The following RPTOR variants were observed in gnomAD, a reference collection of about 807,000 sequenced individuals.
The protein encoded by RPTOR is regulatory-associated protein of mTOR.
A neutral mutation model predicts 169.9 loss-of-function variants in RPTOR; 21 were observed. The observed-to-expected ratio is 0.12, with a 90% confidence interval of 0.09 to 0.18. The LOEUF (loss-of-function observed/expected upper bound fraction) is 0.18. RPTOR is among the 10% of genes least tolerant of loss of function. RPTOR has a pLI of 1.00. For synonymous variants in RPTOR, 732 were observed against 753.2 expected (o/e 0.97, Z 0.46); for missense variants, 1,133 against 1,855.9 (o/e 0.61, Z 7.16).
At chr17:80,874,064 T>G (rs1206965976) in intron 13 of RPTOR, among the ~76,000 whole-genome samples, 1 of 152,220 alleles carries the variant, frequency 6.6e-6, no homozygotes, top group East Asian at 1.9e-4. Flanking sequence ...GTTTGAGCCT[T>G]GATACCTACA....
chr17:80,610,656 C>T (rs1486980187), intron 1 of RPTOR, among the ~76,000 whole-genome samples: 1 of 152,108 alleles, frequency 6.6e-6, no homozygotes, highest in African/African-American at 2.4e-5. Flanking sequence ...CTGATGTGAT[C>T]CTTCAGCTGA....
At position 80,730,530 on chromosome 17, in the gene RPTOR, T is replaced by G. The variant is rs374053847; in HGVS notation, c.508-30T>G. Reference sequence around the variant, plus strand: ...GCAGCCCATATTCCTGAGACGCACATGTAACGAGCGCACTTTGTGTGTTTT... The same window carrying G: ...GCAGCCCATATTCCTGAGACGCACAGGTAACGAGCGCACTTTGTGTGTTTT... On this transcript the variant is annotated intron_variant, in intron 4 of 33. Transcript: ENST00000306801. The surrounding 1 kb of genome is among the most constrained non-coding windows in gnomAD (Gnocchi z 4.2). 2 of 1,607,008 alleles carry G rather than the reference T, an allele frequency of 1.2e-6. No homozygotes were observed. Among genetic ancestry groups the G allele is most frequent in the African/African-American group, 1.3e-5 (1 of 74,832 alleles).
chr17:80,846,606 A>C, intron 11 of RPTOR, 32 bp downstream of exon 11: 1 of 1,593,542 alleles, frequency 6.3e-7, no homozygotes, highest in Non-Finnish European at 8.6e-7. Context: ...CAGACAGCCG[A>C]GGTTCCTCAG....
At chr17:80,772,541 T>C (rs2066854923) in intron 6 of RPTOR, among the ~76,000 whole-genome samples, 1 of 103,118 alleles carries the variant, frequency 9.7e-6, no homozygotes, top group African/African-American at 3.7e-5. Context: ...ACATGCCTGG[T>C]CCCCCACCCC....
chr17:80,921,578 G>C (rs12452516), intron 21 of RPTOR, among the ~76,000 whole-genome samples: 31,189 of 152,198 alleles, frequency 0.2, 3,286 homozygotes, highest in Admixed American at 0.23. Context: ...AGAAAACCCT[G>C]CTTTAAAAAA....
rs1200338580 is a variant in RPTOR at position 80,559,137 on chromosome 17, G to C, written c.162+13346G>C. 3.3e-5 allele frequency among the ~76,000 whole-genome samples: 5 copies of C among 152,120 alleles called. No homozygotes were observed. The South Asian group carries it at 1.0e-3, about 32-fold the overall frequency. Reference sequence around the variant, plus strand: ...CTTGGTAACCGCTCTTCTGCTTTCTGTCTCTGAATGTTTTGGCCTTGCATG... The same window carrying C: ...CTTGGTAACCGCTCTTCTGCTTTCTCTCTCTGAATGTTTTGGCCTTGCATG... On this transcript the variant is annotated intron_variant, in intron 1 of 33. Coordinates refer to ENST00000306801, the MANE Select transcript of RPTOR (RefSeq NM_020761.3).
Position 80,962,478 on chromosome 17 carries a change from G to A in RPTOR, c.3710G>A (p.Arg1237His), listed in dbSNP as rs761048420. Residue 1237 changes from arginine (R) to histidine (H), a missense_variant, in exon 32 of 34, where the codon CGC (arginine) becomes CAC (histidine). Arg to His is a conservative substitution (Grantham distance 29, BLOSUM62 0). Coordinates refer to ENST00000306801, the MANE Select transcript of RPTOR (RefSeq NM_020761.3). ...CTTGGCAGCGTCAATGGAGATGTGC[G>A]CATCTTTGATCCCCGGATGCCTGAG... Reference protein sequence around the residue: ...IVSVSVNGDVRIFDPRMPESV... With the variant: ...IVSVSVNGDVHIFDPRMPESV... 8.7e-6 allele frequency: 14 copies of A among 1,613,692 alleles called. 1 individual carries two copies. In the African/African-American group the frequency reaches 1.1e-4, roughly 12 times the overall value.
At position 80,659,254 on chromosome 17, in the gene RPTOR, G is replaced by A. The variant is rs574558419; in HGVS notation, c.348+15444G>A. Among the ~76,000 whole-genome samples, 14 of 152,302 alleles carry A rather than the reference G, an allele frequency of 9.2e-5. No individual in the cohort carries two copies. The highest frequency in any genetic ancestry group is 3.1e-4 in the African/African-American group (13 of 41,554). On this transcript the variant is annotated intron_variant, in intron 3 of 33. Coordinates refer to ENST00000306801, the MANE Select transcript of RPTOR (RefSeq NM_020761.3). This position sits in a 1 kb window ranked among gnomAD's most constrained non-coding sequence, Gnocchi z 4.3. ...GGTGAAATGTAGGCTCCATGGCTCC[G>A]AGGGGGAAGTGGGCTCAGAAGAGTG...
intron 5 of RPTOR, among the ~76,000 whole-genome samples, chr17:80,738,731 A>G (rs1291058143): frequency 1.3e-5 from 2 of 152,228 alleles, no homozygotes; most frequent in Non-Finnish European, 2.9e-5. Context: ...CCTGTCAAGA[A>G]TGCCTCACGT....
intron 3 of RPTOR, among the ~76,000 whole-genome samples, chr17:80,648,456 GTC>G (rs755469493): frequency 2.0e-5 from 3 of 151,908 alleles, no homozygotes; most frequent in Non-Finnish European, 4.4e-5. Context: ...TGCTTGACCT[GTC>G]CACCTCACAG....
intron 3 of RPTOR, among the ~76,000 whole-genome samples, chr17:80,703,827 T>C (rs956581310): frequency 3.9e-5 from 6 of 152,228 alleles, no homozygotes; most frequent in Middle Eastern, 3.2e-3. Flanking sequence ...AAAAGCACTT[T>C]CATTAAAAAT....
intron 27 of RPTOR, 111 bp from the exon 28 acceptor site, chr17:80,949,332 C>A (rs1448913725): frequency 2.2e-6 from 2 of 928,612 alleles, no homozygotes; most frequent in African/African-American, 3.2e-5. Flanking sequence ...AGGCTGGCCG[C>A]CCAGGGTCAC....
chr17:80,765,641 C>A (rs1347900906), intron 6 of RPTOR, among the ~76,000 whole-genome samples: 1 of 152,146 alleles, frequency 6.6e-6, no homozygotes. Flanking sequence ...GGCTCCCGAA[C>A]TGACAGCCTC....
intron 3 of RPTOR, among the ~76,000 whole-genome samples, chr17:80,678,676 C>G (rs2143700014): frequency 6.6e-6 from 1 of 152,338 alleles, no homozygotes; most frequent in South Asian, 2.1e-4. Flanking sequence ...GTCACCCATT[C>G]ACGTTTTCTA....
rs144213370 is a variant in RPTOR at position 80,584,931 on chromosome 17, A to G, written c.162+39140A>G. ...AGAACTCAAACATTTAAGATAAGCC[A>G]CATATTATTTGTATGGATTCATAAA... On this transcript the variant is annotated intron_variant, in intron 1 of 33. Coordinates refer to ENST00000306801, the MANE Select transcript of RPTOR (RefSeq NM_020761.3). Among the ~76,000 whole-genome samples the G allele has an allele frequency of 3.7e-3, 570 of 152,368 alleles. 3 individuals carry two copies. The highest frequency in any genetic ancestry group is 0.013 in the African/African-American group (552 of 41,582).
intron 3 of RPTOR, among the ~76,000 whole-genome samples, chr17:80,700,457 G>GTGA (rs1567864245): frequency 1.6e-5 from 1 of 64,278 alleles, no homozygotes; most frequent in East Asian, 4.5e-4. Context: ...GGTGGTGATG[G>GTGA]TGGTGGTGGT....
chr17:80,872,503 G>A (rs1367025996), intron 13 of RPTOR, among the ~76,000 whole-genome samples: 1 of 152,164 alleles, frequency 6.6e-6, no homozygotes, highest in Admixed American at 6.5e-5. Flanking sequence ...ACCCACCCCA[G>A]AAGAGACCAG....
At chr17:80,783,568 G>A (rs1009849486) in intron 6 of RPTOR, among the ~76,000 whole-genome samples, 3 of 152,162 alleles carry the variant, frequency 2.0e-5, no homozygotes, top group Non-Finnish European at 4.4e-5. Context: ...CTTGCAATTA[G>A]CCTTGTTCCC....
intron 1 of RPTOR, among the ~76,000 whole-genome samples, chr17:80,598,579 G>T (rs1329492478): frequency 6.6e-6 from 1 of 152,244 alleles, no homozygotes; most frequent in African/African-American, 2.4e-5. Flanking sequence ...ATGCCCAAGA[G>T]CCTTGAGTCC....
Sources: gnomAD v4.1 joint callset for allele counts (sites outside exome capture counted in the v4.1 genomes callset) on GRCh38, gnomAD v4.1.1 for gene constraint, Gnocchi (gnomAD v3.1) non-coding constraint, MANE v1.5 for transcripts, NCBI Gene and HGNC (gene_info 2026-07-23, HGNC 2026-07-21) for gene names.